The following CUBN variants were observed in gnomAD, a reference collection of about 807,000 sequenced individuals.
CUBN encodes the protein cubilin.
A neutral mutation model predicts 405.3 loss-of-function variants in CUBN; 282 were observed. The ratio of observed to expected loss-of-function variants is 0.70; its 90% CI spans 0.63 to 0.77. The LOEUF is 0.77. Among genes scored for constraint, CUBN ranks in the 30% least tolerant of loss-of-function variants. The pLI is 0.00. For synonymous variants in CUBN, 1,684 were observed against 1,617.0 expected (o/e 1.04, Z -0.99); for missense variants, 4,514 against 4,475.2 (o/e 1.01, Z -0.25).
chr10:16,969,164 C>T (rs565694571), intron 31 of CUBN, among the ~76,000 whole-genome samples: 5 of 152,332 alleles, frequency 3.3e-5, no homozygotes, highest in African/African-American at 1.2e-4. Flanking sequence ...GAACTCAGTA[C>T]AGCACATTCC....
chr10:17,074,500 G>A lies in CUBN; in HGVS notation c.2302-2529C>T, dbSNP rs186924982. The stretch of plus-strand genomic sequence containing the variant: ...GTTCTGTTATTGGGTATAAAATCTC[G>A]CTCTATTTTACATATTAAGCGCAAA... On this transcript the variant is annotated intron_variant, in intron 17 of 66. Coordinates refer to ENST00000377833, the MANE Select transcript of CUBN (RefSeq NM_001081.4). Among the ~76,000 whole-genome samples the A allele has an allele frequency of 1.2e-4, 19 of 152,184 alleles. No individual in the cohort carries two copies. The East Asian group carries it at 1.5e-3, about 12-fold the overall frequency.
intron 28 of CUBN, among the ~76,000 whole-genome samples, chr10:17,006,071 T>C (rs568413621): frequency 6.6e-6 from 1 of 152,282 alleles, no homozygotes; most frequent in South Asian, 2.1e-4. Flanking sequence ...TGCCGACACC[T>C]TGACCTTGGA....
At chr10:16,887,389 T>A (rs915776300) in intron 56 of CUBN, among the ~76,000 whole-genome samples, 1 of 152,244 alleles carries the variant, frequency 6.6e-6, no homozygotes, top group African/African-American at 2.4e-5. Flanking sequence ...TCTTTAAAAA[T>A]TGGATGAAAT....
At chr10:16,852,248 CCTCT>C (rs1254653588) in intron 59 of CUBN, among the ~76,000 whole-genome samples, 4 of 129,862 alleles carry the variant, frequency 3.1e-5, no homozygotes, top group Admixed American at 7.6e-5. Context: ...TCCATCCCTC[CCTCT>C]ATCTTTCCCT....
chr10:17,112,177 T>C (rs954615478), intron 8 of CUBN, among the ~76,000 whole-genome samples: 6 of 152,150 alleles, frequency 3.9e-5, no homozygotes, highest in African/African-American at 1.2e-4. Flanking sequence ...CCTTTAAAGA[T>C]TTAAAAATAT....
intron 60 of CUBN, among the ~76,000 whole-genome samples, chr10:16,849,520 A>C (rs1195184536): frequency 6.6e-6 from 1 of 152,108 alleles, no homozygotes; most frequent in Non-Finnish European, 1.5e-5. Flanking sequence ...GCTCTCACCA[A>C]ACCACACTGT....
At chr10:17,123,880 A>T (rs774106703) in intron 4 of CUBN, among the ~76,000 whole-genome samples, 191 bp from the exon 5 acceptor site, 1 of 152,126 alleles carries the variant, frequency 6.6e-6, no homozygotes, top group Admixed American at 6.5e-5. Flanking sequence ...TCTATTATCA[A>T]TCTTGTTCCT....
intron 7 of CUBN, among the ~76,000 whole-genome samples, chr10:17,115,243 CAAAAAAA>C (rs71377018): frequency 2.5e-5 from 3 of 122,284 alleles, no homozygotes; most frequent in Non-Finnish European, 5.0e-5. Context: ...GGCTCCATCT[CAAAAAAA>C]AAAAAAAAAA....
intron 54 of CUBN, among the ~76,000 whole-genome samples, chr10:16,892,138 G>A (rs1223892324): frequency 2.0e-5 from 3 of 152,166 alleles, no homozygotes; most frequent in African/African-American, 4.8e-5. Flanking sequence ...CTGATTCATA[G>A]CATTGGTTTA....
In CUBN at chr10:17,084,546, CCACACACACA is replaced by C; in HGVS notation, c.2111-95_2111-86del. ...TTGGATCCAATTTCTAAAAATTTAC[CCACACACACA>C]CACACACAAGCACATATCCATTTTA... On this transcript the variant is annotated intron_variant, in intron 16 of 66. Coordinates refer to ENST00000377833, the MANE Select transcript of CUBN (RefSeq NM_001081.4). 3.3e-6 allele frequency: 3 copies of C among 914,910 alleles called. No individual in the cohort carries two copies. In the South Asian group the frequency reaches 4.2e-5, roughly 13 times the overall value. 56.7% of individuals were successfully genotyped at this position (914,910 alleles called of 1,614,324 possible).
intron 31 of CUBN, among the ~76,000 whole-genome samples, chr10:16,961,170 C>T (rs1289898029): frequency 1.4e-5 from 2 of 148,062 alleles, no homozygotes; most frequent in East Asian, 3.9e-4. Flanking sequence ...CTCCTGGGCT[C>T]AAGGGATCCT....
chr10:17,077,333 G>A lies in CUBN; in HGVS notation c.2302-5362C>T, dbSNP rs1026802603. On this transcript the variant is annotated intron_variant, in intron 17 of 66. Transcript: ENST00000377833. The stretch of plus-strand genomic sequence containing the variant: ...AAAAAACGAGTTTTTGTAAAGGAAT[G>A]ATTTTCTATAGAGAGAACTAAAATT... 2.0e-5 allele frequency among the ~76,000 whole-genome samples: 3 copies of A among 152,106 alleles called. No homozygotes were observed. The South Asian group carries it at 6.2e-4, about 31-fold the overall frequency.
intron 28 of CUBN, among the ~76,000 whole-genome samples, chr10:17,015,648 G>T (rs1476090589): frequency 1.3e-5 from 2 of 152,156 alleles, no homozygotes; most frequent in Non-Finnish European, 2.9e-5. Flanking sequence ...ACATGAGCTG[G>T]CACTTGCCCT....
At chr10:16,834,403 G>A (rs703059) in intron 64 of CUBN, among the ~76,000 whole-genome samples, 90,455 of 151,780 alleles carry the variant, frequency 0.6, 28,666 homozygotes, top group African/African-American at 0.81. Context: ...GTGGGAGTGG[G>A]GGGTGGGTGT....
intron 3 of CUBN, among the ~76,000 whole-genome samples, chr10:17,127,396 G>T (rs1837224210): frequency 6.8e-6 from 1 of 147,154 alleles, no homozygotes; most frequent in African/African-American, 2.5e-5. Flanking sequence ...CTCCCAAGTA[G>T]CTGTGAGTAC....
At chr10:17,004,834 TA>T (rs1833975215) in intron 28 of CUBN, among the ~76,000 whole-genome samples, 2 of 152,110 alleles carry the variant, frequency 1.3e-5, no homozygotes, top group African/African-American at 4.8e-5. Context: ...CACAGCTGGC[TA>T]ATTTTTGAAT....
chr10:17,068,132 C>A lies in CUBN; in HGVS notation c.2940G>T (p.Glu980Asp). Residue 980 changes from glutamate to aspartate, a missense_variant, in exon 21 of 67, where the codon GAG becomes GAT. By Grantham distance (45) the Glu-to-Asp change is conservative. Coordinates refer to ENST00000377833, the MANE Select transcript of CUBN (RefSeq NM_001081.4). The part of the protein sequence containing the change: ...IHLMFETFHL[E>D]FHYNCTNDYL... Reference sequence around the variant, plus strand: ...AGTCGTTTGTGCAATTGTAATGAAACTCCAGATGAAATGTTTCGAACATTA... The same window carrying A: ...AGTCGTTTGTGCAATTGTAATGAAAATCCAGATGAAATGTTTCGAACATTA... 2 of 1,613,410 alleles carry A rather than the reference C, an allele frequency of 1.2e-6. No individual in the cohort carries two copies. The highest frequency in any genetic ancestry group is 1.7e-6 in the Non-Finnish European group (2 of 1,179,508).
intron 54 of CUBN, among the ~76,000 whole-genome samples, chr10:16,891,953 T>C (rs1039037000): frequency 3.3e-5 from 5 of 152,224 alleles, no homozygotes; most frequent in Admixed American, 1.3e-4. Context: ...TGTAGTTGGA[T>C]GTGTATTAAT....
intron 12 of CUBN, 149 bp from the exon 13 acceptor site, chr10:17,103,386 T>C: frequency 4.6e-6 from 3 of 659,164 alleles, no homozygotes; most frequent in Admixed American, 2.2e-5. Flanking sequence ...CTCTGTGCCC[T>C]TTTTCTGTCA....
Sources: gnomAD v4.1 joint callset for allele counts (sites outside exome capture counted in the v4.1 genomes callset) on GRCh38, gnomAD v4.1.1 for gene constraint, MANE v1.5 for transcripts, NCBI Gene and HGNC (gene_info 2026-07-23, HGNC 2026-07-21) for gene names.